Variants in CHD1L observed in about 807,000 individuals in gnomAD.
The protein encoded by CHD1L is ATP-dependent chromatin remodeler CHD1L.
A neutral mutation model predicts 115.9 loss-of-function variants in CHD1L; 118 were observed. That is an observed-to-expected ratio of 1.02 (90% CI 0.88 to 1.19). The LOEUF (loss-of-function observed/expected upper bound fraction) is 1.19, where lower values mean the gene tolerates loss of function less well. Among genes scored for constraint, CHD1L ranks in the 50% most tolerant of loss-of-function variants. CHD1L has a pLI of 0.00. For missense variants in CHD1L, 1,179 were observed against 1,065.3 expected, an observed-to-expected ratio of 1.11 and a Z score of -1.49; for synonymous variants, 411 against 387.1, an observed-to-expected ratio of 1.06 and a Z score of -0.72.
At chr1:147,214,310 G>C in the CHD1L span, among the ~76,000 whole-genome samples, 1 of 152,034 alleles carries the variant, frequency 6.6e-6, no homozygotes, top group Non-Finnish European at 1.5e-5. Context: ...AAATTAGTGG[G>C]TGTGGTGGCA....
At chr1:147,242,919 C>T (rs1183854017) in intron 1 of CHD1L, 89 bp downstream of exon 1, 5 of 1,222,068 alleles carry the variant, frequency 4.1e-6, no homozygotes, top group African/African-American at 1.6e-5. Context: ...GTGGGCCGCC[C>T]GGTGGGCAGT....
intron 12 of CHD1L, 85 bp from the exon 13 acceptor site, chr1:147,275,269 A>G: frequency 1.1e-6 from 1 of 935,828 alleles, no homozygotes; most frequent in Non-Finnish European, 1.7e-6. Context: ...TCAGTTTATC[A>G]GTCTGACCCA....
the CHD1L span, among the ~76,000 whole-genome samples, chr1:147,212,702 T>C: frequency 2.1e-4 from 32 of 152,304 alleles, no homozygotes; most frequent in Admixed American, 5.9e-4. Flanking sequence ...TATTTTCTTT[T>C]CCCATAGCCT....
intron 6 of CHD1L, among the ~76,000 whole-genome samples, chr1:147,261,412 T>TTTATA (rs1173271515): frequency 2.0e-5 from 3 of 147,378 alleles, no homozygotes; most frequent in Non-Finnish European, 4.4e-5. Context: ...TTTTTTTTTT[T>TTTATA]TATATATAAA....
chr1:147,254,728 G>A (rs930479607), intron 2 of CHD1L, 142 bp from the exon 3 acceptor site: 6 of 510,606 alleles, frequency 1.2e-5, no homozygotes, highest in African/African-American at 7.8e-5. Flanking sequence ...TTACTCCCCT[G>A]ATATGCGGAA....
chr1:147,235,317 G>A, the CHD1L span, among the ~76,000 whole-genome samples: 1 of 152,122 alleles, frequency 6.6e-6, no homozygotes. Context: ...TCATTCCCAA[G>A]TGAAGATTTT....
the CHD1L span, chr1:147,204,774 T>C: frequency 3.8e-6 from 6 of 1,573,614 alleles, no homozygotes; most frequent in African/African-American, 8.1e-5. Context: ...TAACCATTTT[T>C]TTCATTCCAT....
At chr1:147,252,759 T>TG in intron 2 of CHD1L, 24 bp downstream of exon 2, 2 of 1,535,978 alleles carry the variant, frequency 1.3e-6, no homozygotes, top group Non-Finnish European at 1.8e-6. Flanking sequence ...CGACGAGTAC[T>TG]GCTCACCGCC....
At chr1:147,173,593 G>A in the CHD1L span, 14 of 152,204 alleles carry the variant, frequency 9.2e-5, no homozygotes, top group African/African-American at 3.1e-4. Flanking sequence ...CTAGGGTTGG[G>A]AGGGATCCAG....
At chr1:147,264,375 C>T (rs782699087) in intron 6 of CHD1L, 47 bp from the exon 7 acceptor site, 12 of 1,474,962 alleles carry the variant, frequency 8.1e-6, no homozygotes, top group Middle Eastern at 1.9e-4. Context: ...CTCAGCCTTG[C>T]ATTCCAGTGT....
At chr1:147,201,172 C>T in the CHD1L span, 1 of 1,612,768 alleles carries the variant, frequency 6.2e-7, no homozygotes, top group Non-Finnish European at 8.5e-7. Flanking sequence ...CTGAGTGGCC[C>T]AGCGTCCTTG....
upstream of CHD1L, among the ~76,000 whole-genome samples, chr1:147,239,209 A>G (rs1378906024): frequency 6.6e-6 from 1 of 152,018 alleles, no homozygotes; most frequent in African/African-American, 2.4e-5. Flanking sequence ...CCCTTTCTAA[A>G]CCAAAGTATA....
Position 147,258,917 on chromosome 1 carries a change from G to A in CHD1L, c.495-920G>A, listed in dbSNP as rs79459981. The A allele has an allele frequency of 5.9e-5, 9 of 152,090 alleles. No homozygotes were observed. The East Asian group carries it at 1.7e-3, about 29-fold the overall frequency. 9.4% of individuals were successfully genotyped at this position (152,090 alleles called of 1,614,324 possible). On this transcript the variant is annotated intron_variant, in intron 5 of 22. Transcript: ENST00000369258. ...ATTTTCACTTTATTATCTTTTGCAT[G>A]GCTTTCACATTTGTAAAAGAGGATA...
At chr1:147,245,730 TGCCCAG>T (rs1369982705) in intron 1 of CHD1L, among the ~76,000 whole-genome samples, 1 of 151,588 alleles carries the variant, frequency 6.6e-6, no homozygotes. Flanking sequence ...CTCACTCTGT[TGCCCAG>T]GCTGGAGTGC....
chr1:147,271,470 C>T (rs1216632749), intron 11 of CHD1L, among the ~76,000 whole-genome samples: 2 of 152,140 alleles, frequency 1.3e-5, no homozygotes, highest in African/African-American at 2.4e-5. Context: ...AGGTTATTAC[C>T]TGGGAAGTCT....
At chr1:147,262,318 TAGA>T (rs1314604499) in intron 6 of CHD1L, among the ~76,000 whole-genome samples, 1 of 152,122 alleles carries the variant, frequency 6.6e-6, no homozygotes, top group Non-Finnish European at 1.5e-5. Flanking sequence ...AACAATTATG[TAGA>T]AGAATATTTA....
the CHD1L span, among the ~76,000 whole-genome samples, chr1:147,207,949 G>A: frequency 6.6e-6 from 1 of 152,158 alleles, no homozygotes; most frequent in African/African-American, 2.4e-5. Flanking sequence ...CCTATGAAAT[G>A]TTTCTAAGAA....
chr1:147,274,958 A>G (rs587759862), intron 12 of CHD1L, among the ~76,000 whole-genome samples: 2 of 152,266 alleles, frequency 1.3e-5, no homozygotes, highest in South Asian at 2.1e-4. Flanking sequence ...GACAGTGCGC[A>G]CTGCAGACCT....
the CHD1L span, among the ~76,000 whole-genome samples, chr1:147,232,771 G>A: frequency 1.3e-5 from 2 of 152,328 alleles, no homozygotes; most frequent in East Asian, 3.9e-4. Context: ...GAGGTGCCGG[G>A]ATTGCAGATG....
Sources: allele counts gnomAD v4.1 joint callset (sites outside exome capture counted in the v4.1 genomes callset), GRCh38; gene constraint gnomAD v4.1.1; transcripts MANE v1.5; gene names NCBI Gene and HGNC (gene_info 2026-07-23, HGNC 2026-07-21).